Variants in GPATCH2 observed in about 807,000 individuals in gnomAD.
The protein encoded by GPATCH2 is G-patch domain containing 2, also known as G patch domain-containing protein 2.
GPATCH2 carries 51 observed loss-of-function variants against 58.0 expected under a neutral mutation model. The observed-to-expected ratio is 0.88, with a 90% CI of 0.70 to 1.11. GPATCH2 has a LOEUF of 1.11. Ranked by LOEUF, GPATCH2 falls within the 50% of genes most tolerant of loss-of-function variation. GPATCH2 has a pLI of 0.00. For missense variants in GPATCH2, 625 were observed against 652.2 expected (o/e 0.96, Z 0.45); for synonymous variants, 222 against 218.5 (o/e 1.02, Z -0.14).
chr1:217,603,884 A>C (rs1668231383), intron 5 of GPATCH2, among the ~76,000 whole-genome samples: 1 of 152,074 alleles, frequency 6.6e-6, no homozygotes. Flanking sequence ...TGGCCTCCCA[A>C]AGTGCTGTGA....
chr1:217,514,873 G>A lies in GPATCH2; in HGVS notation c.1115C>T (p.Pro372Leu), dbSNP rs1453778693. The A allele has an allele frequency of 6.6e-7, 1 of 1,524,236 alleles. No homozygotes were observed. Among genetic ancestry groups the A allele is most frequent in the East Asian group, 2.3e-5 (1 of 44,408 alleles). The allele number at this position is 1,524,236 out of a possible 1,614,324, so 94.4% of individuals were successfully genotyped here. Reference protein sequence around the residue: ...TPTSMVPIPGPVGNKRMVHFS... With the variant: ...TPTSMVPIPGLVGNKRMVHFS... ...ATGAACCATTCTCTTGTTACCCACT[G>A]GGCCAGGAATGGGTACCTACAGGGA... is the stretch of plus-strand genomic sequence containing the variant. The change falls in exon 6 of 10, where the codon CCA becomes CTA. Residue 372 changes from proline to leucine, a missense_variant. Physicochemically the swap from Pro to Leu is moderately conservative, Grantham distance 98. Coordinates refer to ENST00000366935, the MANE Select transcript of GPATCH2 (RefSeq NM_018040.5).
In GPATCH2 at chr1:217,611,023, G is replaced by C. The variant is rs956709687; in HGVS notation, c.884C>G (p.Ala295Gly). 2 of 1,613,314 alleles carry C rather than the reference G, an allele frequency of 1.2e-6. No homozygotes were observed. The highest frequency in any genetic ancestry group is 1.7e-6 in the Non-Finnish European group (2 of 1,179,696). ...GGGCACAACTCCAGTGATACCACAT[G>C]CTCCACCTGATTCCTTTTCGTAGAA... ...DWFYEKESGG[A>G]CGITGVVPWW... The change falls in exon 4 of 10, where the codon GCA (alanine) becomes GGA (glycine). Residue 295 changes from alanine to glycine, a missense_variant. Ala to Gly is a moderately conservative substitution (Grantham distance 60). Coordinates refer to ENST00000366935, the MANE Select transcript of GPATCH2 (RefSeq NM_018040.5).
chr1:217,622,551 T>C (rs1346424337), intron 1 of GPATCH2, among the ~76,000 whole-genome samples: 1 of 152,234 alleles, frequency 6.6e-6, no homozygotes, highest in Non-Finnish European at 1.5e-5. Flanking sequence ...TCAGGGTTTT[T>C]TTGTTTGTTT....
intron 8 of GPATCH2, among the ~76,000 whole-genome samples, chr1:217,460,316 T>C (rs1571739929): frequency 1.3e-5 from 2 of 152,242 alleles, no homozygotes; most frequent in Non-Finnish European, 2.9e-5. Flanking sequence ...TACTTTATTA[T>C]AACCTACTTA....
At chr1:217,535,228 C>T (rs977019135) in intron 5 of GPATCH2, among the ~76,000 whole-genome samples, 1 of 152,092 alleles carries the variant, frequency 6.6e-6, no homozygotes, top group African/African-American at 2.4e-5. Context: ...TTGACTTAAG[C>T]GAAATAGAAA....
chr1:217,608,734 A>C (rs1215109644), intron 5 of GPATCH2: 2 of 982,908 alleles, frequency 2.0e-6, no homozygotes, highest in Non-Finnish European at 2.4e-6. Flanking sequence ...ATAAAACAAA[A>C]GCATTTATGT....
At chr1:217,571,725 A>AAAAAG (rs1396285095) in intron 5 of GPATCH2, among the ~76,000 whole-genome samples, 1 of 150,306 alleles carries the variant, frequency 6.7e-6, no homozygotes, top group Non-Finnish European at 1.5e-5. Context: ...AAAAAACAAA[A>AAAAAG]AAGAAGAAAA....
chr1:217,448,957 A>G (rs1482627638), intron 9 of GPATCH2, among the ~76,000 whole-genome samples: 2 of 152,164 alleles, frequency 1.3e-5, no homozygotes, highest in Admixed American at 1.3e-4. Context: ...TTTCCCAACA[A>G]GACTGTAAAT....
intron 9 of GPATCH2, among the ~76,000 whole-genome samples, chr1:217,435,948 T>A (rs1046438154): frequency 3.3e-5 from 5 of 152,210 alleles, no homozygotes; most frequent in Admixed American, 1.3e-4. Flanking sequence ...CTTTTGTTAA[T>A]TAAAATCAGT....
At chr1:217,557,409 C>CA (rs772777496) in intron 5 of GPATCH2, among the ~76,000 whole-genome samples, 1,120 of 61,248 alleles carry the variant, frequency 0.018, 6 homozygotes, top group South Asian at 0.04. Context: ...AACCCCATCT[C>CA]AAAAAAAAAA....
At chr1:217,533,895 A>C (rs953329118) in intron 5 of GPATCH2, among the ~76,000 whole-genome samples, 6 of 152,218 alleles carry the variant, frequency 3.9e-5, no homozygotes, top group African/African-American at 1.4e-4. Context: ...AGAAATACTT[A>C]AATGAATATA....
At position 217,597,484 on chromosome 1, in the gene GPATCH2, A is replaced by C. The variant is rs192334545; in HGVS notation, c.1098+12837T>G. ...GCTGACTGAAACACCAGACTCCAGA[A>C]AAGTTCACAAATTGGAGGCTCTAGA... On this transcript the variant is annotated intron_variant, in intron 5 of 9. Coordinates refer to ENST00000366935, the MANE Select transcript of GPATCH2 (RefSeq NM_018040.5). 5.9e-5 allele frequency among the ~76,000 whole-genome samples: 9 copies of C among 152,248 alleles called. No individual in the cohort carries two copies. The East Asian group carries it at 1.7e-3, about 29-fold the overall frequency.
chr1:217,443,205 A>G (rs964337985), intron 9 of GPATCH2, among the ~76,000 whole-genome samples: 5 of 152,084 alleles, frequency 3.3e-5, no homozygotes, highest in African/African-American at 1.2e-4. Flanking sequence ...TTTTTAATGG[A>G]TTCTGTTTTC....
At chr1:217,535,820 T>C (rs1030238179) in intron 5 of GPATCH2, among the ~76,000 whole-genome samples, 9 of 152,220 alleles carry the variant, frequency 5.9e-5, no homozygotes, top group African/African-American at 1.9e-4. Flanking sequence ...AAAACCCTCA[T>C]GAGCAGCATA....
intron 1 of GPATCH2, among the ~76,000 whole-genome samples, chr1:217,624,798 T>C (rs1669372227): frequency 6.6e-6 from 1 of 152,234 alleles, no homozygotes; most frequent in African/African-American, 2.4e-5. Flanking sequence ...GAGATTTTTA[T>C]ATTCATAATT....
At chr1:217,432,539 G>C (rs1658591510) in intron 9 of GPATCH2, among the ~76,000 whole-genome samples, 1 of 152,138 alleles carries the variant, frequency 6.6e-6, no homozygotes, top group African/African-American at 2.4e-5. Flanking sequence ...TCCCAGGTGT[G>C]GTATAGGTTG....
chr1:217,552,137 T>C (rs1318352769), intron 5 of GPATCH2, among the ~76,000 whole-genome samples: 1 of 152,074 alleles, frequency 6.6e-6, no homozygotes, highest in African/African-American at 2.4e-5. Flanking sequence ...ACCAACCTGA[T>C]GTATATGAAT....
intron 5 of GPATCH2, among the ~76,000 whole-genome samples, chr1:217,569,523 C>T (rs373772158): frequency 6.6e-6 from 1 of 151,666 alleles, no homozygotes; most frequent in African/African-American, 2.4e-5. Flanking sequence ...GGCGAAACCC[C>T]GCCTCTAGTA....
At chr1:217,509,209 T>G (rs1350775840) in intron 6 of GPATCH2, among the ~76,000 whole-genome samples, 1 of 151,942 alleles carries the variant, frequency 6.6e-6, no homozygotes, top group Admixed American at 6.6e-5. Flanking sequence ...GGGGTGGTGG[T>G]GCACGCCTCT....
Sources: gnomAD v4.1 joint callset for allele counts (sites outside exome capture counted in the v4.1 genomes callset) on GRCh38, gnomAD v4.1.1 for gene constraint, MANE v1.5 for transcripts, NCBI Gene and HGNC (gene_info 2026-07-23, HGNC 2026-07-21) for gene names.